NRG3: variants seen among roughly 807,000 people sequenced by gnomAD.
NRG3 encodes the protein pro-neuregulin-3, membrane-bound isoform.
In NRG3, 31 loss-of-function variants were observed where a neutral mutation model predicts 66.9. The observed-to-expected ratio is 0.46, with a 90% CI of 0.35 to 0.63. The LOEUF (loss-of-function observed/expected upper bound fraction) is 0.63, where lower values mean the gene tolerates loss of function less well. Among genes scored for constraint, NRG3 ranks in the 20% least tolerant of loss-of-function variants. NRG3 has a pLI of 0.00. For synonymous variants in NRG3, 393 were observed against 359.4 expected (o/e 1.09, Z -1.06); for missense variants, 910 against 878.9 (o/e 1.04, Z -0.45).
chr10:82,106,219 C>A (rs1323175000), intron 1 of NRG3, among the ~76,000 whole-genome samples: 1 of 151,712 alleles, frequency 6.6e-6, no homozygotes, highest in Non-Finnish European at 1.5e-5. Context: ...CAGTCAGAGA[C>A]TCAGTACTGA....
intron 1 of NRG3, among the ~76,000 whole-genome samples, chr10:82,061,850 C>G (rs2064161605): frequency 6.7e-6 from 1 of 149,090 alleles, no homozygotes; most frequent in South Asian, 2.1e-4. Flanking sequence ...CTTTCTCTCT[C>G]TCTCTCTCTC....
chr10:82,698,641 C>G (rs2048863138), intron 2 of NRG3, among the ~76,000 whole-genome samples: 3 of 152,136 alleles, frequency 2.0e-5, no homozygotes, highest in Non-Finnish European at 1.5e-5. Flanking sequence ...CTACTGCACT[C>G]TTGTTCTATT....
chr10:82,641,845 A>G (rs1374049214), intron 2 of NRG3, among the ~76,000 whole-genome samples: 1 of 152,146 alleles, frequency 6.6e-6, no homozygotes, highest in Non-Finnish European at 1.5e-5. Context: ...AATTGTCTTT[A>G]TTTGTATTAA....
chr10:81,959,191 G>T (rs772935811), intron 1 of NRG3, among the ~76,000 whole-genome samples: 113 of 152,268 alleles, frequency 7.4e-4, no homozygotes, highest in Non-Finnish European at 1.3e-3. Flanking sequence ...GACAGGAAGG[G>T]GACCCAGCAT....
At position 82,033,142 on chromosome 10, in the gene NRG3, A is replaced by C. The variant is rs915012330; in HGVS notation, c.823+156979A>C. Among the ~76,000 whole-genome samples, 16 of 152,302 alleles carry C rather than the reference A, an allele frequency of 1.1e-4. No individual in the cohort carries two copies. The South Asian group carries it at 3.1e-3, about 30-fold the overall frequency. On this transcript the variant is annotated intron_variant, in intron 1 of 8. Transcript: ENST00000372141. ...AACTGGCCTGGGCCATGGTGGAAAAAGGAAGCCAATTGAAATCCTGTCAGA... is the reference window on the plus strand; with the variant it reads ...AACTGGCCTGGGCCATGGTGGAAAACGGAAGCCAATTGAAATCCTGTCAGA...
At chr10:82,428,144 T>C (rs944128528) in intron 2 of NRG3, among the ~76,000 whole-genome samples, 1 of 151,932 alleles carries the variant, frequency 6.6e-6, no homozygotes, top group African/African-American at 2.4e-5. Flanking sequence ...TTTAATGAGC[T>C]AAAGTTTTGT....
At chr10:82,077,005 G>C in intron 1 of NRG3, among the ~76,000 whole-genome samples, 1 of 151,982 alleles carries the variant, frequency 6.6e-6, no homozygotes, top group African/African-American at 2.4e-5. Flanking sequence ...ATTGTTTTTT[G>C]ATCTATGCTT....
rs372459590 is a variant in NRG3, at chr10:82,513,345, C to A, written c.953+154477C>A. ...TGTACATGTACCACATTTTCTTTAT[C>A]CAATCTATCATTGATGGGCATTTAG... On this transcript the variant is annotated intron_variant, in intron 2 of 8. Coordinates refer to ENST00000372141, the MANE Select transcript of NRG3 (RefSeq NM_001010848.4). Among the ~76,000 whole-genome samples, 4 of 152,254 alleles carry A rather than the reference C, an allele frequency of 2.6e-5. No individual in the cohort carries two copies. In the East Asian group the frequency reaches 5.8e-4, roughly 22 times the overall value.
At chr10:82,640,212 A>G (rs2050475509) in intron 2 of NRG3, among the ~76,000 whole-genome samples, 1 of 152,242 alleles carries the variant, frequency 6.6e-6, no homozygotes, top group Non-Finnish European at 1.5e-5. Context: ...ATGCATGTGT[A>G]TATTCATTGC....
intron 2 of NRG3, among the ~76,000 whole-genome samples, chr10:82,399,516 G>A (rs1180554786): frequency 6.6e-6 from 1 of 152,148 alleles, no homozygotes; most frequent in Non-Finnish European, 1.5e-5. Context: ...TCTGGAGAGT[G>A]GATCCCTGAG....
intron 2 of NRG3, among the ~76,000 whole-genome samples, chr10:82,678,023 A>G (rs1176558712): frequency 6.6e-6 from 1 of 152,198 alleles, no homozygotes; most frequent in Non-Finnish European, 1.5e-5. Flanking sequence ...TTCCCTTACC[A>G]GCCAAGTGTT....
At chr10:82,742,048 C>T (rs577964253) in intron 3 of NRG3, among the ~76,000 whole-genome samples, 1 of 152,114 alleles carries the variant, frequency 6.6e-6, no homozygotes, top group South Asian at 2.1e-4. Context: ...AGCTTCCACT[C>T]AACTCCCTCC....
chr10:82,530,269 T>C lies in NRG3; in HGVS notation c.953+171401T>C, dbSNP rs544979824. 1.7e-3 allele frequency among the ~76,000 whole-genome samples: 260 copies of C among 152,198 alleles called. 1 individual carries two copies. Among genetic ancestry groups the C allele is most frequent in the African/African-American group, 5.6e-3 (232 of 41,580 alleles). ...TTATGGAAGCCATGGAGCAGAAATG[T>C]AGTAACAATAGCCTGTGTACAAACA... is the stretch of plus-strand genomic sequence containing the variant. On this transcript the variant is annotated intron_variant, in intron 2 of 8. Transcript: ENST00000372141.
intron 2 of NRG3, among the ~76,000 whole-genome samples, chr10:82,466,911 A>G (rs749341948): frequency 6.9e-6 from 1 of 145,196 alleles, no homozygotes; most frequent in African/African-American, 2.6e-5. Flanking sequence ...TAGTACCCTG[A>G]CCAAAAAAAA....
chr10:81,986,543 A>C (rs1034791648), intron 1 of NRG3, among the ~76,000 whole-genome samples: 3 of 152,200 alleles, frequency 2.0e-5, no homozygotes, highest in Non-Finnish European at 4.4e-5. Context: ...TGTTTATGTA[A>C]TGATATTTTG....
intron 1 of NRG3, among the ~76,000 whole-genome samples, chr10:82,343,478 T>C (rs2082791676): frequency 6.6e-6 from 1 of 152,096 alleles, no homozygotes; most frequent in Non-Finnish European, 1.5e-5. Context: ...CCCAAAGCAA[T>C]GTACATATTC....
chr10:82,305,966 C>G (rs2080700505), intron 1 of NRG3, among the ~76,000 whole-genome samples: 1 of 152,202 alleles, frequency 6.6e-6, no homozygotes, highest in Non-Finnish European at 1.5e-5. Flanking sequence ...AACCATGAAG[C>G]TATTCTAGGC....
At chr10:82,255,654 G>C (rs1346909403) in intron 1 of NRG3, among the ~76,000 whole-genome samples, 1 of 152,116 alleles carries the variant, frequency 6.6e-6, no homozygotes, top group Non-Finnish European at 1.5e-5. Context: ...CCAGGCTGGA[G>C]TGCAGTGTCA....
chr10:82,066,821 C>CT lies in NRG3; in HGVS notation c.823+190668dup, dbSNP rs561873583. Among the ~76,000 whole-genome samples the CT allele has an allele frequency of 1.6e-3, 241 of 148,874 alleles. 2 individuals are homozygous for CT. In the South Asian group the frequency reaches 0.021, roughly 13 times the overall value. Reference sequence around the variant, plus strand: ...ACCACCCATGGTACTTAGACCTATTCTTTTTTTTTTGAGTCATGATTAATG... The same window carrying CT: ...ACCACCCATGGTACTTAGACCTATTCTTTTTTTTTTTGAGTCATGATTAATG... On this transcript the variant is annotated intron_variant, in intron 1 of 8. Transcript: ENST00000372141.
Sources: allele counts gnomAD v4.1 joint callset (sites outside exome capture counted in the v4.1 genomes callset), GRCh38; gene constraint gnomAD v4.1.1; transcripts MANE v1.5; gene names NCBI Gene and HGNC (gene_info 2026-07-23, HGNC 2026-07-21).